MAGI2: variants seen among roughly 807,000 people sequenced by gnomAD.
MAGI2 encodes membrane associated guanylate kinase, WW and PDZ domain containing 2.
In MAGI2, 35 loss-of-function variants were observed where a neutral mutation model predicts 133.3. That is an observed-to-expected ratio of 0.26 (90% confidence interval 0.20 to 0.35). MAGI2 has a LOEUF of 0.35. MAGI2 is among the 10% of genes least tolerant of loss of function. The pLI is 1.00. For missense variants in MAGI2, 1,636 were observed against 1,863.4 expected (o/e 0.88, Z 2.25); for synonymous variants, 729 against 710.6 (o/e 1.03, Z -0.41).
At chr7:78,972,966 CACACAG>C (rs1228737675) in intron 2 of MAGI2, among the ~76,000 whole-genome samples, 1 of 124,464 alleles carries the variant, frequency 8.0e-6, no homozygotes, top group Non-Finnish European at 1.8e-5. Flanking sequence ...CACACACACA[CACACAG>C]AGTTTTCTTT....
chr7:78,856,165 T>C (rs1364664571), intron 2 of MAGI2, among the ~76,000 whole-genome samples: 2 of 152,196 alleles, frequency 1.3e-5, no homozygotes, highest in Non-Finnish European at 2.9e-5. Flanking sequence ...CTTTGTCAGA[T>C]GGGTAGATTG....
chr7:78,684,229 C>A (rs1315541848), intron 2 of MAGI2, among the ~76,000 whole-genome samples: 1 of 152,132 alleles, frequency 6.6e-6, no homozygotes, highest in African/African-American at 2.4e-5. Flanking sequence ...ATCTTATAAA[C>A]TAGGCCTTGT....
intron 6 of MAGI2, among the ~76,000 whole-genome samples, chr7:78,466,338 T>C (rs975572723): frequency 2.6e-5 from 4 of 152,224 alleles, no homozygotes; most frequent in Admixed American, 6.5e-5. Context: ...CATTCCACTT[T>C]GCACTGGAAG....
chr7:78,288,070 G>C (rs1796326846), intron 9 of MAGI2, among the ~76,000 whole-genome samples: 1 of 152,142 alleles, frequency 6.6e-6, no homozygotes, highest in African/African-American at 2.4e-5. Flanking sequence ...ATAAATCCAA[G>C]TGCCTGGATT....
intron 1 of MAGI2, among the ~76,000 whole-genome samples, chr7:79,032,186 C>A (rs1017301378): frequency 6.6e-6 from 1 of 152,060 alleles, no homozygotes; most frequent in African/African-American, 2.4e-5. Flanking sequence ...ATTTGCTAAA[C>A]AAATATTCTC....
chr7:79,445,260 G>T (rs1848767667), intron 1 of MAGI2, among the ~76,000 whole-genome samples: 1 of 152,120 alleles, frequency 6.6e-6, no homozygotes, highest in African/African-American at 2.4e-5. Context: ...CAGGGGCAAG[G>T]ACTTCATGTC....
Position 78,627,115 on chromosome 7 carries a change from C to T in MAGI2, c.538+5G>A. ...AGAAAGATTTCTCAGGAACGTTGTG[C>T]TTACCTTCATAAGTCCCACTTTCTA... On this transcript the variant is annotated splice_donor_5th_base_variant and intron_variant, in intron 3 of 21. Coordinates refer to ENST00000354212, the MANE Select transcript of MAGI2 (RefSeq NM_012301.4). The T allele has an allele frequency of 6.3e-7, 1 of 1,576,804 alleles. No homozygotes were observed. Among genetic ancestry groups the T allele is most frequent in the Non-Finnish European group, 8.6e-7 (1 of 1,163,880 alleles).
chr7:78,759,410 G>A (rs1236427414), intron 2 of MAGI2, among the ~76,000 whole-genome samples: 6 of 152,060 alleles, frequency 3.9e-5, no homozygotes, highest in Non-Finnish European at 1.5e-5. Flanking sequence ...ACAGCTAAAA[G>A]TAATGAAATC....
intron 2 of MAGI2, among the ~76,000 whole-genome samples, chr7:78,976,096 C>T (rs1214087502): frequency 6.6e-6 from 1 of 151,588 alleles, no homozygotes; most frequent in Admixed American, 6.6e-5. Flanking sequence ...AGGTATCACT[C>T]TAATACCAAA....
intron 1 of MAGI2, among the ~76,000 whole-genome samples, chr7:79,285,125 T>A (rs1205605116): frequency 6.6e-6 from 1 of 152,082 alleles, no homozygotes; most frequent in Admixed American, 6.6e-5. Flanking sequence ...ACACTCCATC[T>A]AAAATATTTA....
intron 2 of MAGI2, among the ~76,000 whole-genome samples, chr7:78,682,469 C>T (rs376204859): frequency 1.4e-4 from 22 of 152,150 alleles, no homozygotes; most frequent in East Asian, 9.7e-4. Flanking sequence ...TGAGAACATG[C>T]GGTGTTTTGT....
chr7:78,668,473 C>T (rs1202852680), intron 2 of MAGI2, among the ~76,000 whole-genome samples: 2 of 150,906 alleles, frequency 1.3e-5, no homozygotes, highest in African/African-American at 2.4e-5. Flanking sequence ...TTGCCCATGC[C>T]TATGTCCTGA....
intron 15 of MAGI2, among the ~76,000 whole-genome samples, chr7:78,167,149 GT>G (rs1825698071): frequency 6.6e-6 from 1 of 152,098 alleles, no homozygotes. Context: ...AGGCTGGGTG[GT>G]TCTGAGGGGA....
chr7:78,355,638 TGA>T (rs1276302048), intron 7 of MAGI2, among the ~76,000 whole-genome samples: 1 of 152,178 alleles, frequency 6.6e-6, no homozygotes, highest in South Asian at 2.1e-4. Flanking sequence ...CCAAGAACAC[TGA>T]GTTAGGTGAT....
intron 1 of MAGI2, 96 bp downstream of exon 1, chr7:79,452,924 C>T: frequency 7.4e-7 from 1 of 1,359,156 alleles, no homozygotes; most frequent in Non-Finnish European, 9.9e-7. Flanking sequence ...CATCGCGCAA[C>T]ACACCCCCTT....
chr7:78,346,296 A>T (rs1790900585), intron 7 of MAGI2, among the ~76,000 whole-genome samples: 1 of 152,226 alleles, frequency 6.6e-6, no homozygotes, highest in Admixed American at 6.5e-5. Context: ...AGCCAAAAGA[A>T]CTAGAATGTG....
chr7:78,401,948 T>C (rs1188868891), intron 6 of MAGI2, among the ~76,000 whole-genome samples: 1 of 152,040 alleles, frequency 6.6e-6, no homozygotes, highest in East Asian at 1.9e-4. Context: ...TTCAATGTGT[T>C]TCTACTTGTC....
At chr7:79,405,289 G>A (rs1469110862) in intron 1 of MAGI2, among the ~76,000 whole-genome samples, 1 of 152,114 alleles carries the variant, frequency 6.6e-6, no homozygotes, top group Non-Finnish European at 1.5e-5. Context: ...TAGCGTGAAG[G>A]AGGCCAAAGG....
chr7:78,572,656 ATATT>A (rs373624582), intron 3 of MAGI2, among the ~76,000 whole-genome samples: 7 of 151,682 alleles, frequency 4.6e-5, no homozygotes, highest in East Asian at 1.9e-4. Context: ...ATTTACTTTT[ATATT>A]TATTTATTTA....
Sources: gnomAD v4.1 joint callset for allele counts (sites outside exome capture counted in the v4.1 genomes callset) on GRCh38, gnomAD v4.1.1 for gene constraint, MANE v1.5 for transcripts, NCBI Gene and HGNC (gene_info 2026-07-23, HGNC 2026-07-21) for gene names.